Variants in IL9R observed in about 807,000 individuals in gnomAD.
IL9R encodes interleukin-9 receptor.
IL9R carries 54 observed loss-of-function variants against 56.3 expected under a neutral mutation model. That is an observed-to-expected ratio of 0.96 (90% CI 0.77 to 1.20). The LOEUF (loss-of-function observed/expected upper bound fraction) is 1.20, where lower values mean the gene tolerates loss of function less well. Among genes scored for constraint, IL9R ranks in the 50% most tolerant of loss-of-function variants. The pLI is 0.00. For missense variants in IL9R, 545 were observed against 629.8 expected, an observed-to-expected ratio of 0.87 and a Z score of 1.44; for synonymous variants, 212 against 250.2, an observed-to-expected ratio of 0.85 and a Z score of 1.44.
rs775204612 is a variant in IL9R, at chrX:156,004,401, T to C, written c.434-19T>C. 6.8e-6 allele frequency: 11 copies of C among 1,613,566 alleles called. No individual in the cohort carries two copies. In the Admixed American group the frequency reaches 1.8e-4, roughly 27 times the overall value. On this transcript the variant is annotated intron_variant, in intron 4 of 8. Transcript: ENST00000244174. ...AGACCCATGGGGCTTCAGCCTCACA[T>C]GGATTCACTCTGTTCCAGTTAAGCT...
intron 5 of IL9R, 60 bp downstream of exon 5, chrX:156,004,625 G>C: frequency 6.5e-7 from 1 of 1,538,544 alleles, no homozygotes. Flanking sequence ...GTCCAGGGTA[G>C]ACTCCCCACT....
At chrX:156,005,802 C>T (rs1422337993) in intron 6 of IL9R, among the ~76,000 whole-genome samples, 1 of 152,066 alleles carries the variant, frequency 6.6e-6, no homozygotes, top group East Asian at 1.9e-4. Context: ...GACCCTTGCG[C>T]ACTGCAGTGC....
rs2068421760 is a variant in IL9R at position 156,010,501 on chromosome X, G to T, written c.*92G>T. 3 of 385,768 alleles carry T rather than the reference G, an allele frequency of 7.8e-6. No individual in the cohort carries two copies. Among genetic ancestry groups the T allele is most frequent in the Non-Finnish European group, 1.2e-5 (3 of 246,108 alleles). 23.9% of individuals were successfully genotyped at this position (385,768 alleles called of 1,614,324 possible). On this transcript the variant is annotated 3_prime_UTR_variant, in exon 9 of 9. Transcript: ENST00000244174. Reference sequence around the variant, plus strand: ...TCTGAGACTGAACCTCCTGAGAAGGGGCCCCTAGCAGCGGTCAGAGGTCCT... The same window carrying T: ...TCTGAGACTGAACCTCCTGAGAAGGTGCCCCTAGCAGCGGTCAGAGGTCCT...
At chrX:156,007,308 C>G (rs755829466) in intron 7 of IL9R, among the ~76,000 whole-genome samples, 1 of 148,032 alleles carries the variant, frequency 6.8e-6, no homozygotes, top group Non-Finnish European at 1.5e-5. Flanking sequence ...AAAGGACGCG[C>G]GCCTCAGTAT....
At position 156,004,019 on chromosome X, in the gene IL9R, G is replaced by T. The variant is rs189028090; in HGVS notation, c.433+164G>T. On this transcript the variant is annotated intron_variant, in intron 4 of 8. Transcript: ENST00000244174. ...GGGGCAGGCTTGGCCCTTGGGAGGGGAGGGCCCATATGGTTACTGCAGGGG... is the reference window on the plus strand; with the variant it reads ...GGGGCAGGCTTGGCCCTTGGGAGGGTAGGGCCCATATGGTTACTGCAGGGG... Among the ~76,000 whole-genome samples the T allele has an allele frequency of 2.1e-3, 323 of 152,312 alleles. 1 individual carries two copies. Among genetic ancestry groups the T allele is most frequent in the African/African-American group, 7.3e-3 (304 of 41,570 alleles).
intron 5 of IL9R, 58 bp from the exon 6 acceptor site, chrX:156,005,220 G>A (rs1247787650): frequency 1.9e-5 from 26 of 1,390,964 alleles, no homozygotes; most frequent in Admixed American, 1.0e-4. Flanking sequence ...GTGTATTCTC[G>A]AGGGCTGAGG....
chrX:156,009,336 T>TTG (rs1208218710), intron 8 of IL9R, among the ~76,000 whole-genome samples: 10 of 134,644 alleles, frequency 7.4e-5, no homozygotes, highest in East Asian at 2.4e-4. Flanking sequence ...CTGTGTGTGT[T>TTG]TGTGTGTGTG....
At chrX:155,998,273 G>GC (rs1243919488) in intron 1 of IL9R, among the ~76,000 whole-genome samples, 1 of 152,002 alleles carries the variant, frequency 6.6e-6, no homozygotes, top group Non-Finnish European at 1.5e-5. Context: ...GGATGGGTAT[G>GC]CCCCACTGGA....
At chrX:156,001,284 C>T (rs1309376999) in intron 1 of IL9R, 3 of 770,784 alleles carry the variant, frequency 3.9e-6, no homozygotes, top group Admixed American at 1.8e-5. Flanking sequence ...CATTCTGGGG[C>T]CTGGGTCAGC....
intron 1 of IL9R, chrX:156,001,578 G>T: frequency 4.7e-6 from 5 of 1,074,680 alleles, no homozygotes; most frequent in Non-Finnish European, 7.3e-6. Context: ...TGCCGGGAGT[G>T]GGGCAGAGTG....
chrX:156,008,114 C>T (rs1184077279), intron 8 of IL9R: 3 of 208,156 alleles, frequency 1.4e-5, no homozygotes, highest in Non-Finnish European at 2.8e-5. Context: ...ATGTTGGGCT[C>T]CTACAGCCCA....
intron 1 of IL9R, among the ~76,000 whole-genome samples, chrX:155,999,227 C>T (rs1603100252): frequency 6.6e-6 from 1 of 152,016 alleles, no homozygotes; most frequent in South Asian, 2.1e-4. Flanking sequence ...CTCCCACCCA[C>T]CCTTGCCTAC....
At chrX:156,008,986 T>C (rs1569478598) in intron 8 of IL9R, among the ~76,000 whole-genome samples, 1 of 139,038 alleles carries the variant, frequency 7.2e-6, no homozygotes, top group Non-Finnish European at 1.6e-5. Flanking sequence ...TGTGTGTGTT[T>C]AAGTCTGTGT....
chrX:156,006,316 C>T, intron 7 of IL9R, 128 bp downstream of exon 7: 2 of 643,694 alleles, frequency 3.1e-6, no homozygotes, highest in Non-Finnish European at 2.7e-6. Flanking sequence ...CAAGGGCCGC[C>T]CTTGTCTGGT....
intron 1 of IL9R, among the ~76,000 whole-genome samples, chrX:155,999,678 G>C (rs2067381308): frequency 6.6e-6 from 1 of 152,162 alleles, no homozygotes; most frequent in Non-Finnish European, 1.5e-5. Flanking sequence ...CCAGGCTCCA[G>C]CTGCTTCTGG....
chrX:156,006,066 G>T lies in IL9R; in HGVS notation c.782-17G>T, dbSNP rs3093511. On this transcript the variant is annotated splice_polypyrimidine_tract_variant and intron_variant, in intron 6 of 8. Coordinates refer to ENST00000244174, the MANE Select transcript of IL9R (RefSeq NM_002186.3). ...GCACTGAGGCTGCTCACAGCCCTGG[G>T]CCCTTCCTGTCCACAGGCCCTCTGA... 7 of 1,529,166 alleles carry T rather than the reference G, an allele frequency of 4.6e-6. No homozygotes were observed. The East Asian group carries it at 1.6e-4, about 34-fold the overall frequency. The allele number at this position is 1,529,166 out of a possible 1,614,324, so 94.7% of individuals were successfully genotyped here. A position where few individuals can be genotyped will look rare whatever the true frequency, so the allele number is the denominator to read the frequency against.
At position 156,002,995 on chromosome X, in the gene IL9R, G is replaced by T; in HGVS notation, c.118G>T (p.Val40Phe). ...ICICTCVCLG[V>F]SVTGEGQGPR... ...CATCTGCACCTGTGTCTGCTTGGGA[G>T]TCTCTGTCACAGGGGAAGGACAAGG... Residue 40 changes from valine (V) to phenylalanine (F), a missense_variant, in exon 2 of 9, where the codon GTC becomes TTC. By Grantham distance (50) the Val-to-Phe change is conservative. Transcript: ENST00000244174. 6.2e-7 allele frequency: 1 copy of T among 1,613,914 alleles called. No individual in the cohort carries two copies. Among genetic ancestry groups the T allele is most frequent in the Non-Finnish European group, 8.5e-7 (1 of 1,179,854 alleles).
intron 6 of IL9R, 33 bp downstream of exon 6, chrX:156,005,512 G>A (rs183215733): frequency 3.4e-5 from 54 of 1,585,270 alleles, no homozygotes; most frequent in Middle Eastern, 2.1e-4. Context: ...CACTTCCAGC[G>A]GAGTCTGGGC....
intron 1 of IL9R, among the ~76,000 whole-genome samples, chrX:155,999,482 C>T (rs1341579846): frequency 6.6e-6 from 1 of 152,152 alleles, no homozygotes; most frequent in African/African-American, 2.4e-5. Flanking sequence ...TTGCCTCCAG[C>T]TGGCCTTTCA....
Sources: gnomAD v4.1 joint callset for allele counts (sites outside exome capture counted in the v4.1 genomes callset) on GRCh38, gnomAD v4.1.1 for gene constraint, MANE v1.5 for transcripts, NCBI Gene and HGNC (gene_info 2026-07-23, HGNC 2026-07-21) for gene names.